Variants in PPP1R9A observed in about 807,000 individuals in gnomAD.
The protein encoded by PPP1R9A is protein phosphatase 1 regulatory subunit 9A.
Under a neutral mutation model 141.9 loss-of-function variants are expected in PPP1R9A, and 59 were observed. The observed-to-expected ratio is 0.42, with a 90% CI of 0.34 to 0.52. The LOEUF (loss-of-function observed/expected upper bound fraction) is 0.52, where lower values mean the gene tolerates loss of function less well. PPP1R9A is among the 20% of genes least tolerant of loss of function. PPP1R9A has a pLI of 0.10. For synonymous variants in PPP1R9A, 500 were observed against 569.7 expected (o/e 0.88, Z 1.74); for missense variants, 1,444 against 1,611.9 (o/e 0.90, Z 1.78).
At chr7:94,938,075 C>T (rs912157828) in intron 2 of PPP1R9A, among the ~76,000 whole-genome samples, 3 of 152,042 alleles carry the variant, frequency 2.0e-5, no homozygotes, top group Admixed American at 6.6e-5. Context: ...GACCCTGGGC[C>T]GTGGTCTGGT....
Position 95,250,106 on chromosome 7 carries a change from A to T in PPP1R9A, c.2247A>T (p.Glu749Asp), listed in dbSNP as rs1215364598. 1 of 1,613,706 alleles carries T rather than the reference A, an allele frequency of 6.2e-7. No homozygotes were observed. Among genetic ancestry groups the T allele is most frequent in the African/African-American group, 1.3e-5 (1 of 74,934 alleles). The change falls in exon 10 of 20, where the codon GAA becomes GAT. Residue 749 changes from glutamate to aspartate, a missense_variant. Glu to Asp is a conservative substitution (Grantham distance 45). Coordinates refer to ENST00000433360, the MANE Select transcript of PPP1R9A (RefSeq NM_001166160.2). ...QLQQNIEENK[E>D]RMLKLESYWI... ...AACAAAACATAGAAGAGAATAAGGA[A>T]AGAATGTTGAAGTTGGAAAGCTACT...
chr7:95,267,442 A>G (rs370267752), intron 12 of PPP1R9A, among the ~76,000 whole-genome samples: 1 of 152,144 alleles, frequency 6.6e-6, no homozygotes. Flanking sequence ...GAGTGATTAC[A>G]TATGCAAATG....
intron 2 of PPP1R9A, among the ~76,000 whole-genome samples, chr7:94,937,582 A>G (rs1366505113): frequency 2.6e-5 from 4 of 152,124 alleles, no homozygotes; most frequent in African/African-American, 9.7e-5. Context: ...TGCAACTTAC[A>G]TTTCAGAAGC....
intron 2 of PPP1R9A, among the ~76,000 whole-genome samples, chr7:95,066,290 T>G (rs936116085): frequency 6.6e-6 from 1 of 152,174 alleles, no homozygotes; most frequent in Non-Finnish European, 1.5e-5. Context: ...ACCTTGATCT[T>G]GCATTCTTGC....
chr7:95,162,470 A>C (rs1458472379), intron 5 of PPP1R9A, among the ~76,000 whole-genome samples: 1 of 151,894 alleles, frequency 6.6e-6, no homozygotes, highest in Admixed American at 6.6e-5. Context: ...CTTAGGGTGC[A>C]TTTTTTTTGG....
At chr7:95,063,352 C>T (rs552901633) in intron 2 of PPP1R9A, among the ~76,000 whole-genome samples, 3 of 152,120 alleles carry the variant, frequency 2.0e-5, no homozygotes, top group Admixed American at 1.3e-4. Flanking sequence ...TTGCTTGAGT[C>T]CAGCAGTTTA....
chr7:95,087,634 C>A (rs58778414), intron 2 of PPP1R9A, among the ~76,000 whole-genome samples: 1 of 151,920 alleles, frequency 6.6e-6, no homozygotes, highest in Non-Finnish European at 1.5e-5. Flanking sequence ...CGCTGGCTCA[C>A]GCCTTTAATC....
intron 2 of PPP1R9A, among the ~76,000 whole-genome samples, chr7:95,050,022 G>A (rs952120665): frequency 1.3e-5 from 2 of 152,170 alleles, no homozygotes; most frequent in Non-Finnish European, 2.9e-5. Context: ...AAATACCAAG[G>A]AGTGTGATTG....
intron 2 of PPP1R9A, among the ~76,000 whole-genome samples, chr7:95,074,612 T>C (rs1030709999): frequency 7.2e-5 from 11 of 151,918 alleles, no homozygotes; most frequent in African/African-American, 2.4e-4. Flanking sequence ...ATAGGTGGGA[T>C]TACAGACATG....
chr7:95,288,554 T>C lies in PPP1R9A; in HGVS notation c.3748T>C (p.Ser1250Pro). 1.2e-6 allele frequency: 2 copies of C among 1,613,886 alleles called. No individual in the cohort carries two copies. The highest frequency in any genetic ancestry group is 1.7e-6 in the Non-Finnish European group (2 of 1,179,926). Residue 1250 changes from serine to proline, a missense_variant, in exon 19 of 20, where the codon TCT becomes CCT. Transcript: ENST00000433360. ...SSDEILDDGQSPKHSQCQNRA... is the reference protein window; with the variant it reads ...SSDEILDDGQPPKHSQCQNRA... ...ATCTTAGATCCTTGATGATGGACAG[T>C]CTCCCAAACACAGTCAGTGTCAGAA...
chr7:95,215,601 G>A (rs1346253271), intron 7 of PPP1R9A, among the ~76,000 whole-genome samples: 2 of 152,282 alleles, frequency 1.3e-5, no homozygotes, highest in African/African-American at 4.8e-5. Flanking sequence ...GTGTAAAAGT[G>A]TTCCTATTTC....
intron 12 of PPP1R9A, among the ~76,000 whole-genome samples, chr7:95,266,053 A>G (rs567358557): frequency 1.3e-5 from 2 of 152,294 alleles, no homozygotes; most frequent in East Asian, 3.9e-4. Context: ...TTTCTGCACT[A>G]TTAAAACCTG....
intron 5 of PPP1R9A, among the ~76,000 whole-genome samples, chr7:95,167,842 AGGAGAT>A (rs568713656): frequency 1.6e-3 from 244 of 152,274 alleles, no homozygotes; most frequent in Non-Finnish European, 3.0e-3. Context: ...AGTTTAACCA[AGGAGAT>A]GAAAGACCTT....
At position 95,295,923 on chromosome 7, in the gene PPP1R9A, C is replaced by T. The variant is rs1585683192; in HGVS notation, c.*5620C>T. 6.6e-6 allele frequency: 1 copy of T among 152,484 alleles called. No homozygotes were observed. Among genetic ancestry groups the T allele is most frequent in the African/African-American group, 2.4e-5 (1 of 41,394 alleles). The allele number at this position is 152,484 out of a possible 1,614,324, so 9.4% of individuals were successfully genotyped here. A position where few individuals can be genotyped will look rare whatever the true frequency, so the allele number is the denominator to read the frequency against. On this transcript the variant is annotated 3_prime_UTR_variant, in exon 20 of 20. Transcript: ENST00000433360. The stretch of plus-strand genomic sequence containing the variant: ...TTATATTTTTTAATGGTGTTGCAAC[C>T]ACTTGTACACCTGCTACACCTTACT...
intron 2 of PPP1R9A, among the ~76,000 whole-genome samples, chr7:94,944,644 G>T (rs1795703392): frequency 6.6e-6 from 1 of 152,006 alleles, no homozygotes; most frequent in African/African-American, 2.4e-5. Context: ...TTGTTCATTT[G>T]TGGAAATCCC....
intron 2 of PPP1R9A, among the ~76,000 whole-genome samples, chr7:94,921,670 T>C (rs986081707): frequency 1.3e-5 from 2 of 152,118 alleles, no homozygotes; most frequent in African/African-American, 4.8e-5. Context: ...TGTAGGATGT[T>C]TGAATGACAC....
intron 4 of PPP1R9A, chr7:95,155,209 C>CA (rs1829410107): frequency 8.3e-6 from 1 of 121,212 alleles, no homozygotes; most frequent in African/African-American, 3.2e-5. Context: ...TTTTTTGAGA[C>CA]AGAGTCTTGC....
At chr7:95,075,227 G>A (rs1325997773) in intron 2 of PPP1R9A, among the ~76,000 whole-genome samples, 1 of 151,970 alleles carries the variant, frequency 6.6e-6, no homozygotes, top group African/African-American at 2.4e-5. Flanking sequence ...TGAGTATTAT[G>A]TCATTCTTCA....
intron 4 of PPP1R9A, among the ~76,000 whole-genome samples, chr7:95,129,772 G>A (rs1417316405): frequency 6.6e-6 from 1 of 152,162 alleles, no homozygotes; most frequent in Admixed American, 6.5e-5. Flanking sequence ...TGGAGCAAAG[G>A]TGATTCTTGT....
Sources: allele counts gnomAD v4.1 joint callset (sites outside exome capture counted in the v4.1 genomes callset), GRCh38; gene constraint gnomAD v4.1.1; transcripts MANE v1.5; gene names NCBI Gene and HGNC (gene_info 2026-07-23, HGNC 2026-07-21).